Variants in MFSD12 observed in about 807,000 individuals in gnomAD.
MFSD12 encodes major facilitator superfamily domain containing 12, also known as major facilitator superfamily domain-containing protein 12.
In MFSD12, 67 loss-of-function variants were observed where a neutral mutation model predicts 51.2. The observed-to-expected ratio is 1.31, with a 90% CI of 1.08 to 1.60. The LOEUF is 1.60. MFSD12 is among the 40% of genes most tolerant of loss of function. The pLI is 0.00. For missense variants in MFSD12, 921 were observed against 673.0 expected (o/e 1.37, Z -4.08); for synonymous variants, 441 against 316.7 (o/e 1.39, Z -4.17).
At chr19:3,543,482 C>A (rs983939019), downstream of MFSD12, 13 of 1,434,356 alleles carry the variant, frequency 9.1e-6, no homozygotes, top group African/African-American at 1.8e-4. Context: ...GGGTGAGTGC[C>A]CCCCCCCCCG....
Position 3,544,800 on chromosome 19 carries a change from AGGACTCACAGCGTCGCAGGCGGGTCG to A in MFSD12, c.1403_1420+8del. ...GTGTCTGGGGAGGGAGGGGTGGGCC[AGGACTCACAGCGTCGCAGGCGGGTCG>A]GCCACAGCAGGAGGCTACAGAGACA... On this transcript the variant is annotated splice_donor_variant and splice_donor_5th_base_variant and coding_sequence_variant and intron_variant, in exon 9 of 10. Transcript: ENST00000355415. LOFTEE classifies it high-confidence loss of function. 3 of 1,611,566 alleles carry A rather than the reference AGGACTCACAGCGTCGCAGGCGGGTCG, an allele frequency of 1.9e-6. No individual in the cohort carries two copies. Among genetic ancestry groups the A allele is most frequent in the Non-Finnish European group, 2.5e-6 (3 of 1,178,826 alleles).
intron 2 of MFSD12, 136 bp downstream of exon 2, chr19:3,550,848 C>T (rs2031431318): frequency 1.4e-6 from 1 of 734,496 alleles, no homozygotes; most frequent in Admixed American, 2.7e-5. Flanking sequence ...GTGAGACCCC[C>T]TTTCAAAAAA....
chr19:3,545,146 A>C (rs2030880597), intron 8 of MFSD12, among the ~76,000 whole-genome samples: 1 of 151,794 alleles, frequency 6.6e-6, no homozygotes, highest in South Asian at 2.1e-4. Context: ...TGCCAAATCC[A>C]CCATGTCTCC....
rs1599819077 is a variant in MFSD12, at chr19:3,544,538, G to A, written c.*172C>T. The A allele has an allele frequency of 7.1e-7, 1 of 1,411,958 alleles. No individual in the cohort carries two copies. Among genetic ancestry groups the A allele is most frequent in the Non-Finnish European group, 9.2e-7 (1 of 1,085,766 alleles). 87.5% of individuals were successfully genotyped at this position (1,411,958 alleles called of 1,614,324 possible). On this transcript the variant is annotated 3_prime_UTR_variant, in exon 10 of 10. Coordinates refer to ENST00000355415, the MANE Select transcript of MFSD12 (RefSeq NM_174983.5). ...ACCCAGGGGGTCCTTGCAAGTCCCT[G>A]GCGGGCATCCCTGCTGCCCTCACCC...
In MFSD12 at chr19:3,548,040, C is replaced by A; in HGVS notation, c.655-10G>T. 6.2e-7 allele frequency: 1 copy of A among 1,600,072 alleles called. No homozygotes were observed. The highest frequency in any genetic ancestry group is 8.5e-7 in the Non-Finnish European group (1 of 1,179,376). ...CCAGCAGGGACAGGTTCTGGGGATG[C>A]AGCAGAAGCAGTCAGTGGTGGCGGG... On this transcript the variant is annotated splice_polypyrimidine_tract_variant and intron_variant, in intron 3 of 9. Coordinates refer to ENST00000355415, the MANE Select transcript of MFSD12 (RefSeq NM_174983.5).
At chr19:3,539,187 C>T (rs972918186) in intron 4 of MFSD12, 5 of 1,550,574 alleles carry the variant, frequency 3.2e-6, no homozygotes, top group Non-Finnish European at 3.5e-6. Context: ...CATGCAAACC[C>T]TCAGGCAAGA....
At position 3,544,517 on chromosome 19, in the gene MFSD12, AGGGG is replaced by A. The variant is rs746675972; in HGVS notation, c.*189_*192del. The stretch of plus-strand genomic sequence containing the variant: ...TGAGAATGGGACACCCTCAAAACCC[AGGGG>A]GTCCTTGCAAGTCCCTGGCGGGCAT... On this transcript the variant is annotated 3_prime_UTR_variant, in exon 10 of 10. Transcript: ENST00000355415. 1.1e-5 allele frequency: 15 copies of A among 1,405,468 alleles called. No individual in the cohort carries two copies. The highest frequency in any genetic ancestry group is 1.3e-5 in the Non-Finnish European group (14 of 1,082,520). 87.1% of individuals were successfully genotyped at this position (1,405,468 alleles called of 1,614,324 possible). A position where few individuals can be genotyped will look rare whatever the true frequency, so the allele number is the denominator to read the frequency against.
chr19:3,547,456 T>C lies in MFSD12; in HGVS notation c.929A>G (p.Lys310Arg). 1 of 1,612,780 alleles carries C rather than the reference T, an allele frequency of 6.2e-7. No homozygotes were observed. Among genetic ancestry groups the C allele is most frequent in the Non-Finnish European group, 8.5e-7 (1 of 1,179,762 alleles). ...GCGTCCCCGCCCCAATCTGCTCACCTTGGGCAGGTGGAGCGAGTAGGTGAG... is the reference window on the plus strand; with the variant it reads ...GCGTCCCCGCCCCAATCTGCTCACCCTGGGCAGGTGGAGCGAGTAGGTGAG... ...MYLTYSLHLP[K>R]KFIATIPLVM... The change falls in exon 5 of 10, where the codon AAG becomes AGG. Residue 310 changes from lysine to arginine, a missense_variant and splice_region_variant. Lys to Arg is a conservative substitution (Grantham distance 26). Transcript: ENST00000355415.
rs577817542 is a variant in MFSD12 at position 3,548,019 on chromosome 19, C to A, written c.666G>T (p.Leu222=). 51 of 1,599,504 alleles carry A rather than the reference C, an allele frequency of 3.2e-5. No individual in the cohort carries two copies. The highest frequency in any genetic ancestry group is 2.0e-4 in the South Asian group (18 of 91,054). Residue 222 remains leucine, a synonymous_variant, in exon 4 of 10, where the codon CTG becomes CTT. Coordinates refer to ENST00000355415, the MANE Select transcript of MFSD12 (RefSeq NM_174983.5). ...QDVPVFRNLS[L]LVVGVGAVFS... The stretch of plus-strand genomic sequence containing the variant: ...ACACGGCGCCGACACCCACCACCAG[C>A]AGGGACAGGTTCTGGGGATGCAGCA...
Position 3,546,319 on chromosome 19 carries a change from G to A in MFSD12, c.1130C>T (p.Ala377Val), listed in dbSNP as rs1278700826. ...AVYAAAVLLG[A>V]GCATILVTSL... Reference sequence around the variant, plus strand: ...GGTGACGAGGATGGTGGCACAGCCAGCACCCAGCAGCACAGCCGCTGCGTA... The same window carrying A: ...GGTGACGAGGATGGTGGCACAGCCAACACCCAGCAGCACAGCCGCTGCGTA... Residue 377 changes from alanine (A) to valine (V), a missense_variant, in exon 7 of 10, where the codon GCT becomes GTT. Physicochemically the swap from Ala to Val is moderately conservative, Grantham distance 64. Coordinates refer to ENST00000355415, the MANE Select transcript of MFSD12 (RefSeq NM_174983.5). 6.2e-7 allele frequency: 1 copy of A among 1,608,466 alleles called. No homozygotes were observed. Among genetic ancestry groups the A allele is most frequent in the South Asian group, 1.1e-5 (1 of 90,538 alleles).
chr19:3,548,087 G>A (rs751768741), intron 3 of MFSD12, 36 bp downstream of exon 3: 73 of 1,602,316 alleles, frequency 4.6e-5, no homozygotes, highest in East Asian at 1.3e-4. Flanking sequence ...CCCCTGGCTC[G>A]AGGACTTCAG....
chr19:3,544,141 C>A, downstream of MFSD12: 4 of 1,409,770 alleles, frequency 2.8e-6, no homozygotes, highest in Non-Finnish European at 3.7e-6. Flanking sequence ...CAGGGCAGGG[C>A]TGAGATGCCC....
downstream of MFSD12, chr19:3,539,721 G>A (rs1232615085): frequency 3.6e-5 from 6 of 165,630 alleles, no homozygotes; most frequent in Non-Finnish European, 6.5e-5. Flanking sequence ...TTATAAGGGT[G>A]CCAGGCACTG....
At chr19:3,550,879 G>T in intron 2 of MFSD12, 105 bp downstream of exon 2, 1 of 903,656 alleles carries the variant, frequency 1.1e-6, no homozygotes, top group South Asian at 1.6e-5. Flanking sequence ...AAGACTGCCT[G>T]GTCTCGAGCT....
At position 3,544,866 on chromosome 19, in the gene MFSD12, C is replaced by A. The variant is rs753188802; in HGVS notation, c.1363G>T (p.Val455Leu). 2.4e-5 allele frequency: 38 copies of A among 1,610,920 alleles called. No homozygotes were observed. Among genetic ancestry groups the A allele is most frequent in the Non-Finnish European group, 3.1e-5 (37 of 1,179,346 alleles). ...CTACAGAGACACAGGGCAGCGGCCA[C>A]GCCCACGCCGCCCGTCACAGCCACC... ...AMVAVTGGVG[V>L]AAALCLCSLL... The change falls in exon 9 of 10, where the codon GTG (valine) becomes TTG (leucine). Residue 455 changes from valine to leucine, a missense_variant. Physicochemically the swap from Val to Leu is conservative, Grantham distance 32 (BLOSUM62 1). Transcript: ENST00000355415.
chr19:3,552,675 G>C (rs1434356705), intron 1 of MFSD12, among the ~76,000 whole-genome samples: 2 of 151,488 alleles, frequency 1.3e-5, no homozygotes, highest in Non-Finnish European at 2.9e-5. Flanking sequence ...GGTAGGGATG[G>C]GGTTTCACCA....
At chr19:3,556,979 G>T in intron 1 of MFSD12, 127 bp downstream of exon 1, 1 of 948,192 alleles carries the variant, frequency 1.1e-6, no homozygotes, top group Non-Finnish European at 1.5e-6. Context: ...CCACGGGACA[G>T]ACAGACCGAG....
chr19:3,538,504 G>A (rs2030083971), exon 5 of MFSD12: 2 of 366,582 alleles, frequency 5.5e-6, no homozygotes, highest in Admixed American at 3.4e-5. Context: ...GGATTGGTCT[G>A]TCCTGGACAT....
At position 3,544,396 on chromosome 19, in the gene MFSD12, G is replaced by C; in HGVS notation, c.*314C>G. 7.6e-7 allele frequency: 1 copy of C among 1,309,556 alleles called. No individual in the cohort carries two copies. The highest frequency in any genetic ancestry group is 2.9e-5 in the East Asian group (1 of 34,290). The allele number at this position is 1,309,556 out of a possible 1,614,324, so 81.1% of individuals were successfully genotyped here. ...AGGGGTGAACTGGACTGAGCTCAGGGTTAGGGTTCCCCCAGACCCTTCTGG... is the reference window on the plus strand; with the variant it reads ...AGGGGTGAACTGGACTGAGCTCAGGCTTAGGGTTCCCCCAGACCCTTCTGG... On this transcript the variant is annotated 3_prime_UTR_variant, in exon 10 of 10. Coordinates refer to ENST00000355415, the MANE Select transcript of MFSD12 (RefSeq NM_174983.5).
Sources: allele counts gnomAD v4.1 joint callset (sites outside exome capture counted in the v4.1 genomes callset), GRCh38; gene constraint gnomAD v4.1.1; transcripts MANE v1.5; gene names NCBI Gene and HGNC (gene_info 2026-07-23, HGNC 2026-07-21).